The following PTPRD variants were observed in gnomAD, a reference collection of about 807,000 sequenced individuals.
PTPRD encodes the protein receptor-type tyrosine-protein phosphatase delta.
In PTPRD, 34 loss-of-function variants were observed where a neutral mutation model predicts 214.5. That is an observed-to-expected ratio of 0.16 (90% CI 0.12 to 0.21). The LOEUF (loss-of-function observed/expected upper bound fraction) is 0.21, where lower values mean the gene tolerates loss of function less well. Among genes scored for constraint, PTPRD ranks in the 10% least tolerant of loss-of-function variants. The probability of loss-of-function intolerance (pLI) is 1.00; values close to 1 mark genes in which losing one functional copy is unlikely to be tolerated. For missense variants in PTPRD, 2,545 were observed against 2,398.7 expected, an observed-to-expected ratio of 1.06 and a Z score of -1.27; for synonymous variants, 1,128 against 845.7, an observed-to-expected ratio of 1.33 and a Z score of -5.79.
intron 5 of PTPRD, among the ~76,000 whole-genome samples, chr9:9,901,093 TA>T (rs2153808203): frequency 6.6e-6 from 1 of 152,242 alleles, no homozygotes; most frequent in Admixed American, 6.5e-5. Context: ...TCAGAAAGCT[TA>T]CAGTCATAGT....
intron 5 of PTPRD, among the ~76,000 whole-genome samples, chr9:9,918,173 C>G (rs547386910): frequency 6.6e-6 from 1 of 151,724 alleles, no homozygotes; most frequent in African/African-American, 2.4e-5. Flanking sequence ...TACCAAAAAT[C>G]TCAGACTTGA....
chr9:9,959,836 TTA>T, intron 4 of PTPRD, among the ~76,000 whole-genome samples: 1 of 152,314 alleles, frequency 6.6e-6, no homozygotes, highest in Admixed American at 6.5e-5. Context: ...CTAGAATGAC[TTA>T]TGTTGTGATG....
intron 21 of PTPRD, among the ~76,000 whole-genome samples, chr9:8,515,044 T>C (rs901042111): frequency 6.6e-6 from 1 of 152,160 alleles, no homozygotes; most frequent in Non-Finnish European, 1.5e-5. Context: ...CCATGTGAAA[T>C]TGTGAGTCGA....
At chr9:9,488,509 C>T (rs2154202704) in intron 8 of PTPRD, among the ~76,000 whole-genome samples, 1 of 152,154 alleles carries the variant, frequency 6.6e-6, no homozygotes, top group Non-Finnish European at 1.5e-5. Flanking sequence ...GTTCAGAGGG[C>T]AATGAAGTCC....
At chr9:10,370,896 G>A (rs771615963) in intron 2 of PTPRD, among the ~76,000 whole-genome samples, 31 of 151,966 alleles carry the variant, frequency 2.0e-4, no homozygotes, top group Non-Finnish European at 3.4e-4. Flanking sequence ...CCTGGTCTGA[G>A]TGAGTGTTCA....
intron 11 of PTPRD, chr9:8,962,014 A>T (rs529866280): frequency 6.6e-6 from 1 of 152,246 alleles, no homozygotes; most frequent in African/African-American, 2.4e-5. Flanking sequence ...TGTATTTTTA[A>T]ATCATCTCCC....
chr9:9,582,919 A>G (rs1191210381), intron 7 of PTPRD, among the ~76,000 whole-genome samples: 1 of 152,010 alleles, frequency 6.6e-6, no homozygotes. Context: ...AAAACCATTA[A>G]CCTCCCAGAG....
chr9:9,124,402 A>C (rs1256971612), intron 10 of PTPRD, among the ~76,000 whole-genome samples: 1 of 152,194 alleles, frequency 6.6e-6, no homozygotes, highest in East Asian at 1.9e-4. Context: ...ATAGATGCAA[A>C]AATACCACCA....
At chr9:8,520,149 G>C (rs570898904) in intron 20 of PTPRD, among the ~76,000 whole-genome samples, 15 of 152,230 alleles carry the variant, frequency 9.9e-5, no homozygotes, top group East Asian at 3.9e-4. Flanking sequence ...TGTGCTCACT[G>C]ATATTTAGCT....
chr9:9,882,411 T>C (rs923783633), intron 5 of PTPRD, among the ~76,000 whole-genome samples: 2 of 152,154 alleles, frequency 1.3e-5, no homozygotes, highest in Non-Finnish European at 2.9e-5. Flanking sequence ...ATCCAAATGG[T>C]GAAGTTGGTT....
At chr9:9,451,145 C>T (rs2092062345) in intron 8 of PTPRD, among the ~76,000 whole-genome samples, 2 of 151,680 alleles carry the variant, frequency 1.3e-5, no homozygotes, top group Admixed American at 6.6e-5. Flanking sequence ...TCTTGATATC[C>T]TTGAGCATCT....
intron 10 of PTPRD, among the ~76,000 whole-genome samples, chr9:9,139,124 G>T (rs952699795): frequency 1.4e-5 from 2 of 147,144 alleles, no homozygotes; most frequent in African/African-American, 5.1e-5. Flanking sequence ...CCTTATCCGT[G>T]GGGGATACAT....
At position 8,448,916 on chromosome 9, in the gene PTPRD, C is replaced by G. The variant is rs117075468; in HGVS notation, c.3988+809G>C. On this transcript the variant is annotated intron_variant, in intron 34 of 45. Coordinates refer to ENST00000381196, the MANE Select transcript of PTPRD (RefSeq NM_002839.4). ...AAAGACTTCTTAGATTAGCTTTTCACTTTGTTCATTATCATAACATATTAA... is the reference window on the plus strand; with the variant it reads ...AAAGACTTCTTAGATTAGCTTTTCAGTTTGTTCATTATCATAACATATTAA... 3.4e-3 allele frequency among the ~76,000 whole-genome samples: 514 copies of G among 152,278 alleles called. 2 individuals are homozygous for G. The highest frequency in any genetic ancestry group is 6.8e-3 in the Middle Eastern group (2 of 294).
At chr9:10,036,289 G>T (rs2097179581) in intron 3 of PTPRD, among the ~76,000 whole-genome samples, 1 of 151,994 alleles carries the variant, frequency 6.6e-6, no homozygotes, top group Non-Finnish European at 1.5e-5. Context: ...GTAGATTGTT[G>T]ACAGGTAAAT....
intron 12 of PTPRD, among the ~76,000 whole-genome samples, chr9:8,647,441 G>A (rs1254127146): frequency 2.0e-5 from 3 of 151,940 alleles, no homozygotes; most frequent in Non-Finnish European, 2.9e-5. Context: ...TGTAACCAAC[G>A]TTTCATTTAG....
chr9:9,524,171 A>G (rs779932792), intron 8 of PTPRD, among the ~76,000 whole-genome samples: 5 of 152,142 alleles, frequency 3.3e-5, no homozygotes, highest in Admixed American at 1.3e-4. Flanking sequence ...ACAGAGAGAG[A>G]CAATTTCTGG....
chr9:10,119,250 A>G (rs1331515503), intron 3 of PTPRD, among the ~76,000 whole-genome samples: 1 of 151,972 alleles, frequency 6.6e-6, no homozygotes, highest in Admixed American at 6.6e-5. Flanking sequence ...TATAAGGCAG[A>G]GATTATTATC....
chr9:9,594,206 A>G (rs1215732210), intron 7 of PTPRD, among the ~76,000 whole-genome samples: 1 of 152,086 alleles, frequency 6.6e-6, no homozygotes, highest in East Asian at 1.9e-4. Flanking sequence ...CACACATGTG[A>G]GAGAGTATAT....
At chr9:9,494,840 G>A (rs1350385081) in intron 8 of PTPRD, among the ~76,000 whole-genome samples, 1 of 152,084 alleles carries the variant, frequency 6.6e-6, no homozygotes, top group Non-Finnish European at 1.5e-5. Context: ...GATTTCAAGG[G>A]ACCCTGGATT....
Sources: allele counts gnomAD v4.1 joint callset (sites outside exome capture counted in the v4.1 genomes callset), GRCh38; gene constraint gnomAD v4.1.1; transcripts MANE v1.5; gene names NCBI Gene and HGNC (gene_info 2026-07-23, HGNC 2026-07-21).